Variants in FAM24B observed in about 807,000 individuals in gnomAD.
FAM24B encodes protein FAM24B.
In FAM24B, 3 loss-of-function variants were observed where a neutral mutation model predicts 2.3. The ratio of observed to expected loss-of-function variants is 1.29; its 90% CI spans 0.59 to 3.32. The LOEUF (loss-of-function observed/expected upper bound fraction) is 3.32. FAM24B is among the 30% of genes most tolerant of loss of function. The pLI is 0.03. For synonymous variants in FAM24B, 36 were observed against 46.3 expected, an observed-to-expected ratio of 0.78 and a Z score of 0.90; for missense variants, 98 against 117.2, an observed-to-expected ratio of 0.84 and a Z score of 0.76.
At chr10:122,858,638 A>G (rs1356877346) in intron 1 of FAM24B, among the ~76,000 whole-genome samples, 1 of 152,044 alleles carries the variant, frequency 6.6e-6, no homozygotes, top group African/African-American at 2.4e-5. Flanking sequence ...CTCCTCCTGC[A>G]TTCTTGAATG....
chr10:122,868,650 T>C (rs1847841704), intron 1 of FAM24B, among the ~76,000 whole-genome samples: 1 of 152,106 alleles, frequency 6.6e-6, no homozygotes, highest in African/African-American at 2.4e-5. Context: ...AAGAAAAGAA[T>C]TTTCAACCCA....
intron 1 of FAM24B, among the ~76,000 whole-genome samples, chr10:122,873,388 A>G (rs891400327): frequency 1.3e-5 from 2 of 152,224 alleles, no homozygotes; most frequent in African/African-American, 4.8e-5. Context: ...ATGACAACAC[A>G]TTGGTTTACT....
intron 1 of FAM24B, among the ~76,000 whole-genome samples, chr10:122,871,687 A>G (rs971938111): frequency 3.3e-5 from 5 of 152,196 alleles, no homozygotes; most frequent in Admixed American, 2.6e-4. Flanking sequence ...GAAATGGGGA[A>G]AGGATTCCCT....
At chr10:122,874,294 G>A (rs902986297) in intron 1 of FAM24B, among the ~76,000 whole-genome samples, 2 of 152,146 alleles carry the variant, frequency 1.3e-5, no homozygotes, top group Non-Finnish European at 2.9e-5. Context: ...TTGATGCTCT[G>A]TTGTTAGGTA....
intron 1 of FAM24B, among the ~76,000 whole-genome samples, chr10:122,872,525 T>C (rs181531321): frequency 0.011 from 1,667 of 152,278 alleles, 30 homozygotes; most frequent in African/African-American, 0.038. Flanking sequence ...AGCAAAGACT[T>C]GGAACCAACC....
intron 1 of FAM24B, among the ~76,000 whole-genome samples, chr10:122,871,951 A>G (rs1379438911): frequency 6.6e-6 from 1 of 152,234 alleles, no homozygotes; most frequent in Non-Finnish European, 1.5e-5. Flanking sequence ...ATCTAATTAA[A>G]CTAAAGAGCT....
intron 1 of FAM24B, among the ~76,000 whole-genome samples, chr10:122,875,357 T>C (rs897401883): frequency 4.6e-5 from 7 of 152,234 alleles, no homozygotes; most frequent in African/African-American, 1.7e-4. Context: ...AGAGCCCTTA[T>C]ATATCAATCA....
Position 122,849,121 on chromosome 10 carries a change from A to C in FAM24B, c.*126T>G, listed in dbSNP as rs1440922087. 7.8e-6 allele frequency: 5 copies of C among 639,524 alleles called. No homozygotes were observed. 39.6% of individuals were successfully genotyped at this position (639,524 alleles called of 1,614,324 possible). A position where few individuals can be genotyped will look rare whatever the true frequency, so the allele number is the denominator to read the frequency against. On this transcript the variant is annotated 3_prime_UTR_variant, in exon 4 of 4. Coordinates refer to ENST00000368898, the MANE Select transcript of FAM24B (RefSeq NM_152644.3). ...ATTTTTAATAGTGTACATTTATTCA[A>C]AAGTATATAAAACAACACTGTAAAT...
intron 2 of FAM24B, among the ~76,000 whole-genome samples, chr10:122,851,268 TA>T (rs925388380): frequency 2.6e-5 from 4 of 151,632 alleles, no homozygotes; most frequent in African/African-American, 9.7e-5. Context: ...AAGCCAACAG[TA>T]AAAAAAAATT....
intron 1 of FAM24B, among the ~76,000 whole-genome samples, chr10:122,869,628 A>G (rs1847858776): frequency 6.6e-6 from 1 of 152,092 alleles, no homozygotes; most frequent in Admixed American, 6.5e-5. Flanking sequence ...GGATTAAGAA[A>G]CTCACTCAAA....
At chr10:122,859,140 T>C (rs1847687899) in intron 1 of FAM24B, among the ~76,000 whole-genome samples, 1 of 152,118 alleles carries the variant, frequency 6.6e-6, no homozygotes, top group Non-Finnish European at 1.5e-5. Context: ...ATCCACTTCT[T>C]GATTCAGATG....
chr10:122,857,749 CAAG>C (rs760830481), intron 1 of FAM24B, among the ~76,000 whole-genome samples: 1 of 152,168 alleles, frequency 6.6e-6, no homozygotes, highest in Non-Finnish European at 1.5e-5. Context: ...GCTTTAATGA[CAAG>C]AAGAATGTTA....
intron 1 of FAM24B, among the ~76,000 whole-genome samples, chr10:122,871,030 G>C (rs1430077621): frequency 6.6e-6 from 1 of 152,200 alleles, no homozygotes; most frequent in Non-Finnish European, 1.5e-5. Context: ...TGTAAATCTA[G>C]AAAACCCCAT....
chr10:122,870,949 A>C (rs1286146605), intron 1 of FAM24B, among the ~76,000 whole-genome samples: 1 of 152,114 alleles, frequency 6.6e-6, no homozygotes, highest in African/African-American at 2.4e-5. Flanking sequence ...AATCAGGCAG[A>C]AGAAGGAAAT....
intron 1 of FAM24B, among the ~76,000 whole-genome samples, chr10:122,869,350 C>A (rs1351397002): frequency 6.6e-6 from 1 of 152,118 alleles, no homozygotes; most frequent in Non-Finnish European, 1.5e-5. Flanking sequence ...CTTTAACACC[C>A]CACTGTCAAC....
At chr10:122,863,475 T>A (rs1847756595) in intron 1 of FAM24B, among the ~76,000 whole-genome samples, 1 of 152,238 alleles carries the variant, frequency 6.6e-6, no homozygotes, top group Non-Finnish European at 1.5e-5. Flanking sequence ...GACTAGTGGC[T>A]AGCAAACTGT....
At chr10:122,864,828 C>A (rs1847777264) in intron 1 of FAM24B, among the ~76,000 whole-genome samples, 1 of 152,188 alleles carries the variant, frequency 6.6e-6, no homozygotes, top group South Asian at 2.1e-4. Context: ...AGTATGTAGC[C>A]TTTTAAGGCT....
At chr10:122,856,596 GAATA>G (rs1847642931) in intron 1 of FAM24B, among the ~76,000 whole-genome samples, 1 of 152,160 alleles carries the variant, frequency 6.6e-6, no homozygotes, top group Non-Finnish European at 1.5e-5. Context: ...AAAAGCATCT[GAATA>G]TCTTTCCCAC....
intron 2 of FAM24B, among the ~76,000 whole-genome samples, chr10:122,853,225 C>G (rs1001563942): frequency 2.0e-5 from 3 of 152,158 alleles, no homozygotes; most frequent in African/African-American, 7.2e-5. Flanking sequence ...ATTTTTAAAT[C>G]AGTCCTCTGC....
Sources: allele counts gnomAD v4.1 joint callset (sites outside exome capture counted in the v4.1 genomes callset), GRCh38; gene constraint gnomAD v4.1.1; transcripts MANE v1.5; gene names NCBI Gene and HGNC (gene_info 2026-07-23, HGNC 2026-07-21).